RERE: variants seen among roughly 807,000 people sequenced by gnomAD.
RERE encodes arginine-glutamic acid dipeptide repeats protein.
In RERE, 40 loss-of-function variants were observed where a neutral mutation model predicts 146.1. The ratio of observed to expected loss-of-function variants is 0.27; its 90% CI spans 0.21 to 0.36. The LOEUF (loss-of-function observed/expected upper bound fraction) is 0.36, where lower values mean the gene tolerates loss of function less well. Ranked by LOEUF, RERE falls within the 10% of genes least tolerant of loss-of-function variation. RERE has a pLI of 1.00. For synonymous variants in RERE, 1,003 were observed against 866.0 expected, an observed-to-expected ratio of 1.16 and a Z score of -2.78; for missense variants, 1,933 against 2,138.7, an observed-to-expected ratio of 0.90 and a Z score of 1.90.
intron 1 of RERE, among the ~76,000 whole-genome samples, chr1:8,769,105 C>A (rs376827614): frequency 6.6e-6 from 1 of 152,134 alleles, no homozygotes; most frequent in Non-Finnish European, 1.5e-5. Context: ...ATCTGGCCCA[C>A]GCAGCCTAAA....
At chr1:8,711,157 C>CAAAAAAAAAAAAAAA (rs57814312) in intron 1 of RERE, among the ~76,000 whole-genome samples, 2 of 68,248 alleles carry the variant, frequency 2.9e-5, no homozygotes, top group African/African-American at 6.2e-5. Context: ...ACTCTGTCTC[C>CAAAAAAAAAAAAAAA]AAAAAAAAAA....
At chr1:8,492,743 A>T (rs1291435442) in intron 10 of RERE, among the ~76,000 whole-genome samples, 6 of 151,764 alleles carry the variant, frequency 4.0e-5, no homozygotes, top group African/African-American at 4.8e-5. Flanking sequence ...TGACAAAAAA[A>T]ATTTTTATTT....
chr1:8,748,454 C>T (rs1640467757), intron 1 of RERE, among the ~76,000 whole-genome samples: 1 of 152,190 alleles, frequency 6.6e-6, no homozygotes, highest in Non-Finnish European at 1.5e-5. Flanking sequence ...CTGTATCTTG[C>T]ATAACCCTCC....
chr1:8,501,149 C>T (rs1327937340), intron 8 of RERE, among the ~76,000 whole-genome samples: 3 of 148,316 alleles, frequency 2.0e-5, no homozygotes, highest in East Asian at 2.1e-4. Flanking sequence ...CCAGCTGCCC[C>T]GTCCGGGAGG....
intron 1 of RERE, chr1:8,805,780 T>TCGCG (rs1641679346): frequency 6.7e-6 from 1 of 149,272 alleles, no homozygotes; most frequent in Admixed American, 6.7e-5. Flanking sequence ...TGAGCCAAGA[T>TCGCG]CGCGCGGTTG....
intron 12 of RERE, among the ~76,000 whole-genome samples, chr1:8,416,778 G>C (rs975311533): frequency 2.0e-5 from 3 of 152,052 alleles, no homozygotes; most frequent in African/African-American, 7.2e-5. Context: ...TACTATGCAG[G>C]CTCAGAATTC....
intron 7 of RERE, among the ~76,000 whole-genome samples, chr1:8,530,684 T>TTTTTTTTTTTC (rs1645633830): frequency 8.1e-6 from 1 of 122,818 alleles, no homozygotes; most frequent in African/African-American, 3.0e-5. Flanking sequence ...GTTTTCTTTT[T>TTTTTTTTTTTC]TTTTTTTTTT....
chr1:8,519,504 T>C (rs1645464020), intron 7 of RERE, among the ~76,000 whole-genome samples: 1 of 152,198 alleles, frequency 6.6e-6, no homozygotes. Context: ...CACAATTAAA[T>C]CTAATTCCTT....
intron 1 of RERE, among the ~76,000 whole-genome samples, chr1:8,732,967 GC>G (rs1267447775): frequency 2.7e-5 from 4 of 150,648 alleles, no homozygotes; most frequent in African/African-American, 9.7e-5. Context: ...GACTACAGGC[GC>G]CCGCCACTAC....
chr1:8,802,130 C>G (rs890893226), intron 1 of RERE, among the ~76,000 whole-genome samples: 2 of 152,150 alleles, frequency 1.3e-5, no homozygotes, highest in African/African-American at 4.8e-5. Context: ...ATGAAGCTAT[C>G]AAATAAAGTC....
chr1:8,388,304 C>G (rs1272052192), intron 12 of RERE, among the ~76,000 whole-genome samples: 1 of 147,786 alleles, frequency 6.8e-6, no homozygotes, highest in Non-Finnish European at 1.5e-5. Context: ...GGAGAGGAAA[C>G]AGTCTGTGCA....
intron 1 of RERE, among the ~76,000 whole-genome samples, chr1:8,806,405 C>T (rs1641693846): frequency 6.6e-6 from 1 of 151,956 alleles, no homozygotes; most frequent in Admixed American, 6.6e-5. Flanking sequence ...GTGGTGATCG[C>T]CTGTAACCCC....
At position 8,628,053 on chromosome 1, in the gene RERE, C is replaced by G. The variant is rs1239816425; in HGVS notation, c.326-3673G>C. Among the ~76,000 whole-genome samples the G allele has an allele frequency of 2.0e-5, 3 of 152,138 alleles. 1 individual carries two copies. The highest frequency in any genetic ancestry group is 2.0e-4 in the Admixed American group (3 of 15,266). ...ATACGGAATGACCACTGTTACTTTT[C>G]CTTAGATTAAAAGCCACCTCTTTTT... On this transcript the variant is annotated intron_variant, in intron 2 of 22. Transcript: ENST00000400908.
intron 6 of RERE, among the ~76,000 whole-genome samples, chr1:8,555,912 T>G (rs1006908196): frequency 2.0e-5 from 3 of 152,198 alleles, no homozygotes; most frequent in African/African-American, 7.2e-5. Context: ...TGAAGCTGTA[T>G]AGTAGGAAAT....
chr1:8,470,670 G>T (rs1238805731), intron 10 of RERE, among the ~76,000 whole-genome samples: 1 of 151,962 alleles, frequency 6.6e-6, no homozygotes, highest in Non-Finnish European at 1.5e-5. Context: ...CTCCTCCTTA[G>T]GAAACCTAAG....
At chr1:8,355,276 T>G in intron 22 of RERE, 143 bp downstream of exon 22, 1 of 1,144,146 alleles carries the variant, frequency 8.7e-7, no homozygotes, top group Non-Finnish European at 1.3e-6. Context: ...TCCCTTCCTC[T>G]GTTTCTCCCA....
In RERE at chr1:8,427,676, T is replaced by C. The variant is rs1336329087; in HGVS notation, c.1204-4869A>G. Among the ~76,000 whole-genome samples, 8 of 147,814 alleles carry C rather than the reference T, an allele frequency of 5.4e-5. No homozygotes were observed. The East Asian group carries it at 5.9e-4, about 11-fold the overall frequency. ...AAAAAAAAAGGAAGTAAAAGCTTCA[T>C]GTGGCCTGTACTGTTACTTCTCTAT... On this transcript the variant is annotated intron_variant, in intron 11 of 22. Coordinates refer to ENST00000400908, the MANE Select transcript of RERE (RefSeq NM_001042681.2).
intron 7 of RERE, among the ~76,000 whole-genome samples, chr1:8,514,636 G>A (rs1645388282): frequency 6.6e-6 from 1 of 151,930 alleles, no homozygotes; most frequent in Non-Finnish European, 1.5e-5. Context: ...GCTCAGGCAG[G>A]AGAACTGCTT....
intron 4 of RERE, among the ~76,000 whole-genome samples, chr1:8,583,232 C>A (rs192584801): frequency 3.3e-5 from 5 of 152,280 alleles, no homozygotes; most frequent in Admixed American, 2.6e-4. Flanking sequence ...TTAATCCCCA[C>A]ACAAAAACAG....
Sources: allele counts gnomAD v4.1 joint callset (sites outside exome capture counted in the v4.1 genomes callset), GRCh38; gene constraint gnomAD v4.1.1; transcripts MANE v1.5; gene names NCBI Gene and HGNC (gene_info 2026-07-23, HGNC 2026-07-21).